The following R3HDM2 variants were observed in gnomAD, a reference collection of about 807,000 sequenced individuals.
The protein encoded by R3HDM2 is R3H domain containing 2, also known as R3H domain-containing protein 2.
A neutral mutation model predicts 124.5 loss-of-function variants in R3HDM2; 38 were observed. That is an observed-to-expected ratio of 0.31 (90% CI 0.24 to 0.40). R3HDM2 has a LOEUF of 0.40. R3HDM2 is among the 10% of genes least tolerant of loss of function. The probability of loss-of-function intolerance (pLI) is 1.00; values close to 1 mark genes in which losing one functional copy is unlikely to be tolerated. For synonymous variants in R3HDM2, 391 were observed against 448.0 expected (o/e 0.87, Z 1.61); for missense variants, 869 against 1,236.9 (o/e 0.70, Z 4.46).
intron 1 of R3HDM2, among the ~76,000 whole-genome samples, chr12:57,429,838 A>G (rs1869277063): frequency 6.6e-6 from 1 of 152,224 alleles, no homozygotes; most frequent in Admixed American, 6.5e-5. Context: ...AAATAATTCA[A>G]CTGCAAATCT....
chr12:57,318,247 A>C lies in R3HDM2; in HGVS notation c.-35-7784T>G, dbSNP rs1432869914. ...GAGGAGGTTGCGGGCAACCGAGATCATACTACTGCACTCCAACCTGGGCAA... is the reference window on the plus strand; with the variant it reads ...GAGGAGGTTGCGGGCAACCGAGATCCTACTACTGCACTCCAACCTGGGCAA... On this transcript the variant is annotated intron_variant, in intron 2 of 23. Coordinates refer to ENST00000402412, the MANE Select transcript of R3HDM2 (RefSeq NM_001394031.1). Among the ~76,000 whole-genome samples, 5 of 152,014 alleles carry C rather than the reference A, an allele frequency of 3.3e-5. No homozygotes were observed. The East Asian group carries it at 9.6e-4, about 29-fold the overall frequency.
At chr12:57,348,813 G>A (rs2060351368) in intron 2 of R3HDM2, among the ~76,000 whole-genome samples, 1 of 151,774 alleles carries the variant, frequency 6.6e-6, no homozygotes, top group South Asian at 2.1e-4. Context: ...AGCCCAGGAG[G>A]TTGAGGCTGC....
intron 23 of R3HDM2, 136 bp from the exon 24 acceptor site, chr12:57,255,249 C>T (rs1465728736): frequency 4.8e-5 from 32 of 661,082 alleles, no homozygotes; most frequent in Non-Finnish European, 7.6e-5. Flanking sequence ...CTCTCTTAGC[C>T]CTTTCTTCCC....
At chr12:57,317,988 C>CAAA (rs769547852) in intron 2 of R3HDM2, among the ~76,000 whole-genome samples, 52,079 of 144,212 alleles carry the variant, frequency 0.36, 10,887 homozygotes, top group Middle Eastern at 0.72. Context: ...CCCGCCCCCC[C>CAAA]AAAAAAAAAA....
intron 2 of R3HDM2, among the ~76,000 whole-genome samples, chr12:57,335,672 T>C (rs2058768450): frequency 6.6e-6 from 1 of 150,990 alleles, no homozygotes; most frequent in Non-Finnish European, 1.5e-5. Context: ...TAACTTTTTT[T>C]TTTTTTTTTT....
chr12:57,369,994 A>G (rs1054291651), intron 2 of R3HDM2, among the ~76,000 whole-genome samples: 2 of 152,162 alleles, frequency 1.3e-5, no homozygotes, highest in African/African-American at 4.8e-5. Flanking sequence ...TGATAGCCTA[A>G]ATCATAGAAA....
At chr12:57,284,685 C>T (rs538586950) in intron 12 of R3HDM2, among the ~76,000 whole-genome samples, 38 of 152,290 alleles carry the variant, frequency 2.5e-4, no homozygotes, top group African/African-American at 7.7e-4. Context: ...TTACTGTCTG[C>T]GAACAATTGG....
At chr12:57,422,118 A>T (rs1232971033) in intron 1 of R3HDM2, among the ~76,000 whole-genome samples, 3 of 147,286 alleles carry the variant, frequency 2.0e-5, no homozygotes, top group South Asian at 2.1e-4. Flanking sequence ...AAAAAAAAAA[A>T]TTTTGAGTCC....
intron 1 of R3HDM2, among the ~76,000 whole-genome samples, chr12:57,427,536 G>C (rs1393747778): frequency 6.6e-6 from 1 of 150,838 alleles, no homozygotes; most frequent in Admixed American, 6.6e-5. Context: ...TTTTAGTAGA[G>C]ATGGGGTTTC....
intron 14 of R3HDM2, among the ~76,000 whole-genome samples, chr12:57,279,557 C>G (rs1343749995): frequency 6.6e-6 from 1 of 150,838 alleles, no homozygotes; most frequent in Non-Finnish European, 1.5e-5. Context: ...AATCTCAGCA[C>G]TTTAGGAGGC....
chr12:57,269,933 G>A lies in R3HDM2; in HGVS notation c.1406C>T (p.Ala469Val), dbSNP rs777059074. The A allele has an allele frequency of 4.3e-6, 7 of 1,614,064 alleles. No homozygotes were observed. Among genetic ancestry groups the A allele is most frequent in the African/African-American group, 4.0e-5 (3 of 74,928 alleles). Residue 469 changes from alanine to valine, a missense_variant, in exon 15 of 24, where the codon GCA becomes GTA. Coordinates refer to ENST00000402412, the MANE Select transcript of R3HDM2 (RefSeq NM_001394031.1). Reference sequence around the variant, plus strand: ...GAATAGAGCTGCAGATGGGTCAGCTGCTTCAGTAGAACCTTGGCGACTAAG... The same window carrying A: ...GAATAGAGCTGCAGATGGGTCAGCTACTTCAGTAGAACCTTGGCGACTAAG... ...MSLSRQGSTE[A>V]ADPSAALFQT... is the part of the protein sequence containing the mutation.
intron 2 of R3HDM2, among the ~76,000 whole-genome samples, chr12:57,344,864 T>C (rs1034880330): frequency 3.3e-5 from 5 of 152,048 alleles, no homozygotes; most frequent in African/African-American, 9.7e-5. Flanking sequence ...TTTGCTCTTG[T>C]TGCCCAGGTT....
chr12:57,258,854 T>C lies in R3HDM2; in HGVS notation c.2301+36A>G, dbSNP rs1176313479. The C allele has an allele frequency of 1.6e-5, 23 of 1,465,700 alleles. No individual in the cohort carries two copies. In the East Asian group the frequency reaches 5.9e-4, roughly 37 times the overall value. 90.8% of individuals were successfully genotyped at this position (1,465,700 alleles called of 1,614,324 possible). On this transcript the variant is annotated intron_variant, in intron 20 of 23. Transcript: ENST00000402412. Reference sequence around the variant, plus strand: ...TTGCGCCCCGGGAAGAATACGGTCATCTCCTTGCCAAGACAAGGCTGAGTG... The same window carrying C: ...TTGCGCCCCGGGAAGAATACGGTCACCTCCTTGCCAAGACAAGGCTGAGTG...
At chr12:57,260,255 C>T (rs1038925490) in intron 19 of R3HDM2, among the ~76,000 whole-genome samples, 1 of 23,722 alleles carries the variant, frequency 4.2e-5, no homozygotes, top group African/African-American at 1.3e-4. Context: ...CAGAATGAGA[C>T]CCTGCCTCAA....
intron 2 of R3HDM2, among the ~76,000 whole-genome samples, chr12:57,342,861 T>C (rs998061513): frequency 7.2e-5 from 11 of 152,218 alleles, no homozygotes; most frequent in African/African-American, 1.9e-4. Flanking sequence ...CAGCGAGCTA[T>C]ATTTAGTAAA....
intron 13 of R3HDM2, among the ~76,000 whole-genome samples, chr12:57,281,024 T>C (rs1281281073): frequency 6.6e-6 from 1 of 152,150 alleles, no homozygotes; most frequent in Non-Finnish European, 1.5e-5. Flanking sequence ...GGCTCATGCC[T>C]GTAATCCCAG....
At chr12:57,414,486 TAAAAAAAAA>T (rs534205889) in intron 1 of R3HDM2, among the ~76,000 whole-genome samples, 33 of 66,628 alleles carry the variant, frequency 5.0e-4, no homozygotes, top group Admixed American at 1.2e-3. Context: ...AAGACTCCAT[TAAAAAAAAA>T]AAAAAAAAAA....
intron 1 of R3HDM2, among the ~76,000 whole-genome samples, chr12:57,408,680 G>C (rs1240396600): frequency 6.6e-6 from 1 of 151,932 alleles, no homozygotes; most frequent in East Asian, 1.9e-4. Context: ...TGTTGCTTCT[G>C]AATACATACG....
At position 57,364,373 on chromosome 12, in the gene R3HDM2, C is replaced by T. The variant is rs535389835; in HGVS notation, c.-36+31376G>A. On this transcript the variant is annotated intron_variant, in intron 2 of 23. Coordinates refer to ENST00000402412, the MANE Select transcript of R3HDM2 (RefSeq NM_001394031.1). ...CCACATTGGCCAGGCTGGTGTCAAA[C>T]TCCTGACCTGAGGTGATCTGCCAAC... 1.1e-3 allele frequency among the ~76,000 whole-genome samples: 173 copies of T among 152,150 alleles called. 1 individual carries two copies. The highest frequency in any genetic ancestry group is 4.0e-3 in the African/African-American group (168 of 41,520).
Sources: gnomAD v4.1 joint callset for allele counts (sites outside exome capture counted in the v4.1 genomes callset) on GRCh38, gnomAD v4.1.1 for gene constraint, MANE v1.5 for transcripts, NCBI Gene and HGNC (gene_info 2026-07-23, HGNC 2026-07-21) for gene names.